The following RBBP8 variants were observed in gnomAD, a reference collection of about 807,000 sequenced individuals.
RBBP8 encodes DNA endonuclease RBBP8.
In RBBP8, 88 loss-of-function variants were observed where a neutral mutation model predicts 108.3. That is an observed-to-expected ratio of 0.81 (90% CI 0.68 to 0.97). RBBP8 has a LOEUF of 0.97. RBBP8 is among the 50% of genes least tolerant of loss of function. RBBP8 has a pLI of 0.00. For synonymous variants in RBBP8, 332 were observed against 348.2 expected, an observed-to-expected ratio of 0.95 and a Z score of 0.52; for missense variants, 1,023 against 1,049.0, an observed-to-expected ratio of 0.98 and a Z score of 0.34.
chr18:22,951,377 C>T (rs1286632784), intron 4 of RBBP8, among the ~76,000 whole-genome samples: 5 of 151,994 alleles, frequency 3.3e-5, no homozygotes, highest in African/African-American at 4.8e-5. Flanking sequence ...GTGAGCCATA[C>T]GACAAACAAA....
At position 22,990,919 on chromosome 18, in the gene RBBP8, C is replaced by G; in HGVS notation, c.808-18C>G. 1 of 1,555,686 alleles carries G rather than the reference C, an allele frequency of 6.4e-7. No homozygotes were observed. Among genetic ancestry groups the G allele is most frequent in the Non-Finnish European group, 8.9e-7 (1 of 1,127,556 alleles). ...CAAATCCCATTACATGGATGTGCTT[C>G]ATATTTTACTCTTGAAGGAAACTCA... On this transcript the variant is annotated intron_variant, in intron 9 of 18. Coordinates refer to ENST00000327155, the MANE Select transcript of RBBP8 (RefSeq NM_002894.3).
At chr18:23,007,938 G>A (rs1182326115) in intron 16 of RBBP8, among the ~76,000 whole-genome samples, 2 of 151,364 alleles carry the variant, frequency 1.3e-5, no homozygotes, top group African/African-American at 2.4e-5. Flanking sequence ...TCAGCCTCGC[G>A]AGTAGCTGGG....
In RBBP8 at chr18:23,001,678, C is replaced by G; in HGVS notation, c.2236C>G (p.Gln746Glu). ...ATCCTGTTTGGCAGACAGTTTCTCC[C>G]AAGCAGCAGATGAAGAGGAGGAATT... Reference protein sequence around the residue: ...YESCLADSFSQAADEEEELST... With the variant: ...YESCLADSFSEAADEEEELST... Residue 746 changes from glutamine (Q) to glutamate (E), a missense_variant, in exon 15 of 19, where the codon CAA (glutamine) becomes GAA (glutamate). Transcript: ENST00000327155. 6.2e-7 allele frequency: 1 copy of G among 1,614,080 alleles called. No homozygotes were observed.
chr18:22,980,022 G>A (rs1914785133), intron 6 of RBBP8, among the ~76,000 whole-genome samples: 1 of 151,214 alleles, frequency 6.6e-6, no homozygotes, highest in South Asian at 2.1e-4. Flanking sequence ...GAGACGGGTG[G>A]ATCACTTGAG....
chr18:22,935,363 C>T (rs1291836109), intron 1 of RBBP8, among the ~76,000 whole-genome samples: 2 of 148,346 alleles, frequency 1.3e-5, no homozygotes, highest in Non-Finnish European at 3.0e-5. Context: ...GGTAAATATC[C>T]CTTTAACAGA....
chr18:22,969,947 TA>T (rs1354648201), intron 5 of RBBP8, among the ~76,000 whole-genome samples: 2 of 152,228 alleles, frequency 1.3e-5, no homozygotes, highest in Non-Finnish European at 2.9e-5. Flanking sequence ...TCTCAATAAA[TA>T]TGTAGTTGTT....
chr18:23,009,649 T>C (rs994137060), intron 16 of RBBP8, among the ~76,000 whole-genome samples: 1 of 152,000 alleles, frequency 6.6e-6, no homozygotes, highest in African/African-American at 2.4e-5. Flanking sequence ...TCCCTATCCC[T>C]ATAGGTAATC....
chr18:23,023,562 A>G (rs1173938198), intron 18 of RBBP8, among the ~76,000 whole-genome samples: 4 of 152,220 alleles, frequency 2.6e-5, no homozygotes, highest in African/African-American at 7.2e-5. Flanking sequence ...AAATTAAGTT[A>G]GTTGGGTATG....
intron 2 of RBBP8, among the ~76,000 whole-genome samples, chr18:22,944,778 C>G (rs79745452): frequency 6.6e-6 from 1 of 152,058 alleles, no homozygotes; most frequent in East Asian, 1.9e-4. Flanking sequence ...TCTCCAGGGC[C>G]TTTATTTTTC....
intron 2 of RBBP8, among the ~76,000 whole-genome samples, chr18:22,945,378 GTTTTA>G (rs1022274051): frequency 1.3e-5 from 2 of 151,840 alleles, no homozygotes; most frequent in African/African-American, 4.8e-5. Flanking sequence ...ATTTTGTTTT[GTTTTA>G]TTTTATTTTA....
At chr18:22,996,223 T>C in intron 12 of RBBP8, 151 bp from the exon 13 acceptor site, 1 of 1,275,178 alleles carries the variant, frequency 7.8e-7, no homozygotes, top group Non-Finnish European at 1.0e-6. Context: ...ATTATGGAGC[T>C]GTGAGAGTTC....
chr18:22,982,583 G>T (rs532708751), intron 7 of RBBP8, among the ~76,000 whole-genome samples, 190 bp downstream of exon 7: 1 of 152,092 alleles, frequency 6.6e-6, no homozygotes, highest in South Asian at 2.1e-4. Context: ...GTATAGATAC[G>T]TGTCATCTAT....
chr18:22,939,404 G>A (rs1439921827), intron 2 of RBBP8, among the ~76,000 whole-genome samples: 4 of 152,092 alleles, frequency 2.6e-5, no homozygotes, highest in African/African-American at 9.7e-5. Context: ...TACTCAGGAA[G>A]GCTGAGGCAG....
At chr18:23,000,969 C>T (rs890601103) in intron 14 of RBBP8, among the ~76,000 whole-genome samples, 1 of 152,194 alleles carries the variant, frequency 6.6e-6, no homozygotes, top group Non-Finnish European at 1.5e-5. Context: ...CTCAGCCTTA[C>T]AGCTTGCAAC....
At position 22,984,836 on chromosome 18, in the gene RBBP8, T is replaced by C. The variant is rs1470881759; in HGVS notation, c.605-50T>C. 3 of 827,588 alleles carry C rather than the reference T, an allele frequency of 3.6e-6. No homozygotes were observed. The African/African-American group carries it at 5.1e-5, about 14-fold the overall frequency. 51.3% of individuals were successfully genotyped at this position (827,588 alleles called of 1,614,324 possible). A position where few individuals can be genotyped will look rare whatever the true frequency, so the allele number is the denominator to read the frequency against. ...TAAATAAAAATAATTTGATAATGCT[T>C]TTCATCATCATTGTTTATTGTGTAA... On this transcript the variant is annotated intron_variant, in intron 7 of 18. Coordinates refer to ENST00000327155, the MANE Select transcript of RBBP8 (RefSeq NM_002894.3).
At chr18:22,960,000 T>TC (rs2144546645) in intron 4 of RBBP8, among the ~76,000 whole-genome samples, 2 of 150,624 alleles carry the variant, frequency 1.3e-5, no homozygotes, top group Middle Eastern at 3.4e-3. Context: ...CACACCATTC[T>TC]CCTGCCTCAG....
chr18:22,976,628 TTTCA>T (rs1187679472), intron 6 of RBBP8, among the ~76,000 whole-genome samples: 4 of 152,252 alleles, frequency 2.6e-5, no homozygotes, highest in Admixed American at 2.0e-4. Context: ...ACTGTATTAC[TTTCA>T]TTTTTTTTAA....
chr18:22,955,595 T>TTA, intron 4 of RBBP8, among the ~76,000 whole-genome samples: 1 of 150,856 alleles, frequency 6.6e-6, no homozygotes, highest in African/African-American at 2.5e-5. Context: ...TTTTTTTTTT[T>TTA]GAGACAGAGT....
intron 4 of RBBP8, among the ~76,000 whole-genome samples, chr18:22,951,956 C>T (rs935388929): frequency 6.6e-6 from 1 of 152,140 alleles, no homozygotes; most frequent in Non-Finnish European, 1.5e-5. Context: ...ACTTGATTGA[C>T]AGAAAGGAAC....
Sources: gnomAD v4.1 joint callset for allele counts (sites outside exome capture counted in the v4.1 genomes callset) on GRCh38, gnomAD v4.1.1 for gene constraint, MANE v1.5 for transcripts, NCBI Gene and HGNC (gene_info 2026-07-23, HGNC 2026-07-21) for gene names.